TRAP1: variants seen among roughly 807,000 people sequenced by gnomAD.
The protein encoded by TRAP1 is TNF receptor associated protein 1, also known as heat shock protein 75 kDa, mitochondrial.
In TRAP1, 102 loss-of-function variants were observed where a neutral mutation model predicts 89.1. The ratio of observed to expected loss-of-function variants is 1.15; its 90% CI spans 0.98 to 1.35. The LOEUF (loss-of-function observed/expected upper bound fraction) is 1.35, where lower values mean the gene tolerates loss of function less well. Ranked by LOEUF, TRAP1 falls within the 40% of genes most tolerant of loss-of-function variation. The pLI, the probability that TRAP1 is intolerant of heterozygous loss-of-function variation, is 0.00. For missense variants in TRAP1, 1,256 were observed against 945.3 expected, an observed-to-expected ratio of 1.33 and a Z score of -4.31; for synonymous variants, 508 against 388.0, an observed-to-expected ratio of 1.31 and a Z score of -3.64.
At chr16:3,704,610 G>C (rs183157559) in intron 1 of TRAP1, among the ~76,000 whole-genome samples, 3 of 152,262 alleles carry the variant, frequency 2.0e-5, no homozygotes, top group South Asian at 2.1e-4. Context: ...CTTTGGGAGG[G>C]AGATCCAGGC....
chr16:3,680,447 G>C (rs1193027218), intron 4 of TRAP1, among the ~76,000 whole-genome samples: 2 of 152,250 alleles, frequency 1.3e-5, no homozygotes, highest in African/African-American at 4.8e-5. Flanking sequence ...CTGGGGAACA[G>C]TGATCCCCTC....
chr16:3,706,522 C>T (rs2051449295), intron 1 of TRAP1, among the ~76,000 whole-genome samples: 1 of 144,754 alleles, frequency 6.9e-6, no homozygotes, highest in South Asian at 2.2e-4. Flanking sequence ...TGCAGTGGCA[C>T]AATCACAGCT....
At chr16:3,694,017 A>C (rs2051253063) in intron 1 of TRAP1, among the ~76,000 whole-genome samples, 2 of 131,100 alleles carry the variant, frequency 1.5e-5, no homozygotes, top group Admixed American at 1.5e-4. Flanking sequence ...AAAAAAAAAA[A>C]GGTCCCAGGT....
chr16:3,678,072 T>C lies in TRAP1; in HGVS notation c.544-414A>G, dbSNP rs143146080. On this transcript the variant is annotated intron_variant, in intron 5 of 17. Transcript: ENST00000246957. ...CAAGTCTCCTGGACTCTACACTTTG[T>C]GGGAAAAAGAGTAGAAATCACGCGC... 339 of 170,528 alleles carry C rather than the reference T, an allele frequency of 2.0e-3. 1 individual carries two copies. The highest frequency in any genetic ancestry group is 6.0e-3 in the South Asian group (39 of 6,526). 10.6% of individuals were successfully genotyped at this position (170,528 alleles called of 1,614,324 possible).
chr16:3,687,219 A>G (rs2051149773), intron 3 of TRAP1: 1 of 152,078 alleles, frequency 6.6e-6, no homozygotes, highest in Admixed American at 6.5e-5. Flanking sequence ...ATGAGATCTG[A>G]CAGTTTTTTG....
At chr16:3,693,843 A>G (rs1430675073) in intron 1 of TRAP1, among the ~76,000 whole-genome samples, 1 of 151,882 alleles carries the variant, frequency 6.6e-6, no homozygotes, top group Non-Finnish European at 1.5e-5. Flanking sequence ...AAACACAAAA[A>G]CTAGCCAGGT....
chr16:3,671,784 C>G lies in TRAP1; in HGVS notation c.1173G>C (p.Val391=). Residue 391 remains valine, a synonymous_variant, in exon 11 of 18, where the codon GTG becomes GTC. Coordinates refer to ENST00000246957, the MANE Select transcript of TRAP1 (RefSeq NM_016292.3). ...GGTTCAGGGGAATGTCCTCACTGTC[C>G]ACCACACCTGGGAGACACGGCAGTC... ...PKWLRFIRGV[V]DSEDIPLNLS... is the part of the protein sequence containing the mutation. 6.2e-7 allele frequency: 1 copy of G among 1,612,418 alleles called. No individual in the cohort carries two copies. The highest frequency in any genetic ancestry group is 8.5e-7 in the Non-Finnish European group (1 of 1,179,976).
chr16:3,711,210 A>G (rs1367015558), intron 1 of TRAP1, among the ~76,000 whole-genome samples: 1 of 152,000 alleles, frequency 6.6e-6, no homozygotes, highest in Non-Finnish European at 1.5e-5. Flanking sequence ...TCTTAATTAT[A>G]TGGCTATGAA....
At chr16:3,666,982 C>T (rs1035739095) in intron 11 of TRAP1, among the ~76,000 whole-genome samples, 7 of 152,166 alleles carry the variant, frequency 4.6e-5, no homozygotes, top group African/African-American at 7.2e-5. Context: ...AACACTCTCT[C>T]GAGTTCATTT....
In TRAP1 at chr16:3,662,898, C is replaced by A; in HGVS notation, c.1778G>T (p.Arg593Leu). 1 of 1,613,582 alleles carries A rather than the reference C, an allele frequency of 6.2e-7. No individual in the cohort carries two copies. The highest frequency in any genetic ancestry group is 8.5e-7 in the Non-Finnish European group (1 of 1,180,002). Reference protein sequence around the residue: ...MAWMRNVLGSRVTNVKVTLRL... With the variant: ...MAWMRNVLGSLVTNVKVTLRL... ...AAGCCTCACCTTCACGTTGGTGACACGCGACCCCAGCACATTTCTCATCCA... is the reference window on the plus strand; with the variant it reads ...AAGCCTCACCTTCACGTTGGTGACAAGCGACCCCAGCACATTTCTCATCCA... Residue 593 changes from arginine (R) to leucine (L), a missense_variant, in exon 15 of 18, where the codon CGT (arginine) becomes CTT (leucine). Physicochemically the swap from Arg to Leu is moderately radical, Grantham distance 102. Transcript: ENST00000246957.
intron 1 of TRAP1, among the ~76,000 whole-genome samples, chr16:3,702,465 T>C (rs1490416338): frequency 6.6e-6 from 1 of 151,062 alleles, no homozygotes; most frequent in Non-Finnish European, 1.5e-5. Context: ...GAATAAGGCC[T>C]AGGGCAGTGG....
Position 3,663,359 on chromosome 16 carries a change from C to A in TRAP1, c.1708+65G>T, listed in dbSNP as rs1412140046. 4 of 1,594,608 alleles carry A rather than the reference C, an allele frequency of 2.5e-6. No homozygotes were observed. The East Asian group carries it at 6.7e-5, about 27-fold the overall frequency. ...GAAAACCCAAAGGAAGCCCTCGCTG[C>A]GGGGCAGGAGAGGCGTGCGGGGAGT... On this transcript the variant is annotated intron_variant, in intron 14 of 17. Transcript: ENST00000246957.
chr16:3,667,005 C>G (rs571820018), intron 11 of TRAP1, among the ~76,000 whole-genome samples: 1 of 152,320 alleles, frequency 6.6e-6, no homozygotes, highest in East Asian at 1.9e-4. Context: ...AGCCTTTCCT[C>G]CCACACTCCA....
rs115669901 is a variant in TRAP1, at chr16:3,703,101, A to T, written c.89-12116T>A. ...AAGATGGTAGAATACAAAAATCAAC[A>T]CCCGGACGTCCTATATACAGAAAAC... On this transcript the variant is annotated intron_variant, in intron 1 of 17. Transcript: ENST00000246957. Among the ~76,000 whole-genome samples, 1,016 of 150,276 alleles carry T rather than the reference A, an allele frequency of 6.8e-3. 32 individuals carry two copies. The highest frequency in any genetic ancestry group is 0.024 in the African/African-American group (971 of 40,230).
intron 1 of TRAP1, among the ~76,000 whole-genome samples, chr16:3,711,599 G>C (rs922660458): frequency 1.4e-5 from 2 of 145,688 alleles, no homozygotes; most frequent in African/African-American, 5.1e-5. Flanking sequence ...ACTCCATCTT[G>C]AAAAAAACAA....
At chr16:3,673,544 C>G (rs868615189) in intron 9 of TRAP1, among the ~76,000 whole-genome samples, 20 of 152,132 alleles carry the variant, frequency 1.3e-4, no homozygotes, top group Middle Eastern at 3.4e-3. Context: ...GTGGGGCGAC[C>G]TGGTTAAAAT....
intron 11 of TRAP1, among the ~76,000 whole-genome samples, chr16:3,666,667 T>C (rs2050835764): frequency 1.3e-5 from 2 of 152,200 alleles, no homozygotes; most frequent in Non-Finnish European, 2.9e-5. Flanking sequence ...ACAGTACGTC[T>C]ATAGATACAG....
chr16:3,664,622 T>G (rs904638587), intron 12 of TRAP1, 163 bp from the exon 13 acceptor site: 1 of 715,186 alleles, frequency 1.4e-6, no homozygotes, highest in Admixed American at 3.2e-5. Flanking sequence ...AGAGCAGGCC[T>G]TGCTCTGCCC....
chr16:3,709,392 T>A (rs6500552), intron 1 of TRAP1, among the ~76,000 whole-genome samples: 1 of 151,984 alleles, frequency 6.6e-6, no homozygotes, highest in Non-Finnish European at 1.5e-5. Flanking sequence ...CACTACCAGA[T>A]TGACAGATGT....
Sources: gnomAD v4.1 joint callset for allele counts (sites outside exome capture counted in the v4.1 genomes callset) on GRCh38, gnomAD v4.1.1 for gene constraint, MANE v1.5 for transcripts, NCBI Gene and HGNC (gene_info 2026-07-23, HGNC 2026-07-21) for gene names.